The following EPC1 variants were observed in gnomAD, a reference collection of about 807,000 sequenced individuals.
EPC1 encodes the protein enhancer of polycomb homolog 1.
In EPC1, 12 loss-of-function variants were observed where a neutral mutation model predicts 98.4. The ratio of observed to expected loss-of-function variants is 0.12; its 90% confidence interval spans 0.08 to 0.20. The LOEUF (loss-of-function observed/expected upper bound fraction) is 0.20, where lower values mean the gene tolerates loss of function less well. Ranked by LOEUF, EPC1 falls within the 10% of genes least tolerant of loss-of-function variation. The pLI is 1.00. For synonymous variants in EPC1, 357 were observed against 363.9 expected (o/e 0.98, Z 0.21); for missense variants, 729 against 990.5 (o/e 0.74, Z 3.54).
intron 1 of EPC1, among the ~76,000 whole-genome samples, chr10:32,376,528 A>C (rs372952004): frequency 6.6e-6 from 1 of 152,080 alleles, no homozygotes; most frequent in Admixed American, 6.5e-5. Flanking sequence ...CATTTTATGA[A>C]TAGCTAAAAT....
chr10:32,332,540 C>T (rs1040039565), intron 1 of EPC1, among the ~76,000 whole-genome samples: 4 of 152,110 alleles, frequency 2.6e-5, no homozygotes, highest in African/African-American at 7.2e-5. Context: ...CACACTCTCT[C>T]GAGTCATTTG....
rs181078672 is a variant in EPC1, at chr10:32,363,441, C to T, written c.3+15050G>A. ...CACTGTAGGGTGGAAAGTCAGTTGC[C>T]CCTGAGTATCCTGAGCCAGGTTCTA... On this transcript the variant is annotated intron_variant, in intron 1 of 13. Transcript: ENST00000375110. 7.6e-4 allele frequency among the ~76,000 whole-genome samples: 88 copies of T among 115,966 alleles called. No individual in the cohort carries two copies. In the Middle Eastern group the frequency reaches 0.02, roughly 26 times the overall value. 76.1% of individuals were successfully genotyped at this position (115,966 alleles called of 152,430 possible). A position where few individuals can be genotyped will look rare whatever the true frequency, so the allele number is the denominator to read the frequency against.
chr10:32,275,023 G>A (rs1836009851), intron 10 of EPC1, among the ~76,000 whole-genome samples: 1 of 152,168 alleles, frequency 6.6e-6, no homozygotes. Flanking sequence ...TTCTAGTAGG[G>A]AATGCTCAGT....
intron 6 of EPC1, among the ~76,000 whole-genome samples, chr10:32,289,470 T>C (rs552160497): frequency 0.12 from 17,519 of 151,596 alleles, 1,161 homozygotes; most frequent in Non-Finnish European, 0.14. Flanking sequence ...TCTAACTGTG[T>C]GGCAGGTTGT....
At chr10:32,287,394 A>T (rs372287773) in intron 6 of EPC1, 120 bp from the exon 7 acceptor site, 1 of 955,114 alleles carries the variant, frequency 1.0e-6, no homozygotes, top group South Asian at 1.6e-5. Context: ...TTCATAAGAG[A>T]CACAACACTC....
chr10:32,324,479 G>C (rs1348643905), intron 1 of EPC1, among the ~76,000 whole-genome samples: 1 of 150,398 alleles, frequency 6.6e-6, no homozygotes, highest in East Asian at 2.0e-4. Flanking sequence ...GCAGTGAGCC[G>C]AGATTGTGCC....
chr10:32,271,844 A>G lies in EPC1; in HGVS notation c.2079T>C (p.Gly693=). Residue 693 remains glycine, a synonymous_variant, in exon 13 of 14, where the codon GGT becomes GGC. Transcript: ENST00000319778. ...TATTTGAAGGCTGTAACAAAGCTGA[A>G]CCTGCCGTTGATGGACTTGTATGTA... ...ALVHTSPSTA[G]SALLQPSNIT... is the part of the protein sequence containing the mutation. The G allele has an allele frequency of 1.3e-6, 2 of 1,597,986 alleles. No individual in the cohort carries two copies. Among genetic ancestry groups the G allele is most frequent in the East Asian group, 4.5e-5 (2 of 44,070 alleles).
chr10:32,325,930 T>C (rs1039796212), intron 1 of EPC1, among the ~76,000 whole-genome samples: 1 of 152,172 alleles, frequency 6.6e-6, no homozygotes, highest in East Asian at 1.9e-4. Context: ...AGTAAGTAAA[T>C]GAGGTCTTTA....
chr10:32,326,516 C>T (rs1837288960), intron 1 of EPC1, among the ~76,000 whole-genome samples: 1 of 152,106 alleles, frequency 6.6e-6, no homozygotes, highest in South Asian at 2.1e-4. Flanking sequence ...TCTTGGTTAT[C>T]ACAGCATATC....
intron 2 of EPC1, among the ~76,000 whole-genome samples, chr10:32,302,011 C>T (rs896579311): frequency 2.0e-5 from 3 of 152,052 alleles, no homozygotes; most frequent in East Asian, 1.9e-4. Flanking sequence ...TGGTGGCTCA[C>T]GCCTGTAATC....
intron 10 of EPC1, among the ~76,000 whole-genome samples, chr10:32,273,606 T>C (rs1170471764): frequency 6.6e-6 from 1 of 152,156 alleles, no homozygotes. Context: ...AAAGATAATA[T>C]CAGCTTTTAA....
chr10:32,341,817 T>C (rs1159999175), intron 1 of EPC1, among the ~76,000 whole-genome samples: 1 of 152,214 alleles, frequency 6.6e-6, no homozygotes, highest in Non-Finnish European at 1.5e-5. Context: ...AAAACCAAAA[T>C]GACTCAGTTT....
At chr10:32,351,692 C>A (rs1224011898), upstream of EPC1, among the ~76,000 whole-genome samples, 1 of 151,498 alleles carries the variant, frequency 6.6e-6, no homozygotes, top group Non-Finnish European at 1.5e-5. Context: ...GTCTTTCCTG[C>A]CTCCAGGTTT....
At chr10:32,346,690 C>T (rs1294108777) in intron 1 of EPC1, 73 bp downstream of exon 1, 2 of 1,468,732 alleles carry the variant, frequency 1.4e-6, no homozygotes, top group Non-Finnish European at 1.9e-6. Context: ...TGTGGGTTTG[C>T]TGCTCCGCCG....
intron 10 of EPC1, chr10:32,283,630 G>A (rs1021735718): frequency 6.6e-6 from 1 of 152,098 alleles, no homozygotes; most frequent in African/African-American, 2.4e-5. Context: ...TTAATAACAT[G>A]TTCTTTTTCC....
At chr10:32,282,497 T>C (rs1224644967) in intron 10 of EPC1, 4 of 152,162 alleles carry the variant, frequency 2.6e-5, no homozygotes, top group Non-Finnish European at 5.9e-5. Flanking sequence ...CCAGTCTGGG[T>C]GACAGAGAAA....
At chr10:32,366,923 C>T (rs7083325) in intron 1 of EPC1, among the ~76,000 whole-genome samples, 90,636 of 152,076 alleles carry the variant, frequency 0.6, 27,406 homozygotes, top group East Asian at 0.69. Flanking sequence ...AAAAAATCTA[C>T]GTGGAAATTT....
At chr10:32,369,233 C>T (rs1220703597) in intron 1 of EPC1, among the ~76,000 whole-genome samples, 3 of 152,088 alleles carry the variant, frequency 2.0e-5, no homozygotes, top group Non-Finnish European at 4.4e-5. Context: ...CTGCCAAATT[C>T]AAAGGTATTT....
chr10:32,372,272 A>ACTAGAAT, intron 1 of EPC1, among the ~76,000 whole-genome samples: 1 of 152,316 alleles, frequency 6.6e-6, no homozygotes, highest in African/African-American at 2.4e-5. Flanking sequence ...ATTCTAGGGC[A>ACTAGAAT]CACCAAAGTT....
Sources: allele counts gnomAD v4.1 joint callset (sites outside exome capture counted in the v4.1 genomes callset), GRCh38; gene constraint gnomAD v4.1.1; transcripts MANE v1.5; gene names NCBI Gene and HGNC (gene_info 2026-07-23, HGNC 2026-07-21).